The following ZNF516 variants were observed in gnomAD, a reference collection of about 807,000 sequenced individuals.
ZNF516 encodes zinc finger protein 516.
In ZNF516, 19 loss-of-function variants were observed where a neutral mutation model predicts 79.7. The ratio of observed to expected loss-of-function variants is 0.24; its 90% CI spans 0.17 to 0.35. The LOEUF is 0.35. Among genes scored for constraint, ZNF516 ranks in the 10% least tolerant of loss-of-function variants. ZNF516 has a pLI of 1.00. For missense variants in ZNF516, 1,678 were observed against 1,679.5 expected (o/e 1.00, Z 0.02); for synonymous variants, 877 against 739.5 (o/e 1.19, Z -3.02).
intron 2 of ZNF516, among the ~76,000 whole-genome samples, chr18:76,450,993 T>C (rs879594193): frequency 1.3e-5 from 2 of 152,054 alleles, no homozygotes; most frequent in Non-Finnish European, 2.9e-5. Context: ...GTATTTAGAG[T>C]CATTTCCTCA....
At chr18:76,426,842 G>C (rs984449952) in intron 3 of ZNF516, among the ~76,000 whole-genome samples, 1 of 152,218 alleles carries the variant, frequency 6.6e-6, no homozygotes, top group African/African-American at 2.4e-5. Flanking sequence ...CAATCCTCCA[G>C]GGCCTCAGTG....
intron 6 of ZNF516, among the ~76,000 whole-genome samples, chr18:76,368,404 G>C (rs2144914278): frequency 6.6e-6 from 1 of 151,886 alleles, no homozygotes; most frequent in East Asian, 1.9e-4. Flanking sequence ...TACCATCAGA[G>C]GCCATGAGCT....
chr18:76,401,834 T>TCCACCACCAACCACACCCCCGCGCCGCAC (rs2075230777), intron 3 of ZNF516, among the ~76,000 whole-genome samples: 2 of 15,794 alleles, frequency 1.3e-4, no homozygotes, highest in African/African-American at 7.1e-4. Context: ...CCGCGCTCCA[T>TCCACCACCAACCACACCCCCGCGCCGCAC]CTCTCCACCA....
At chr18:76,489,334 T>G (rs1599169367) in intron 1 of ZNF516, among the ~76,000 whole-genome samples, 1 of 152,200 alleles carries the variant, frequency 6.6e-6, no homozygotes, top group Admixed American at 6.5e-5. Context: ...AAACCATCTG[T>G]TGGAGTATAC....
intron 3 of ZNF516, among the ~76,000 whole-genome samples, chr18:76,425,224 G>A (rs2075578322): frequency 6.6e-6 from 1 of 152,176 alleles, no homozygotes; most frequent in Non-Finnish European, 1.5e-5. Context: ...GGAGGCATGG[G>A]AAGAGCCCAC....
At chr18:76,395,543 T>A (rs2075133263) in intron 3 of ZNF516, among the ~76,000 whole-genome samples, 1 of 152,058 alleles carries the variant, frequency 6.6e-6, no homozygotes, top group Non-Finnish European at 1.5e-5. Context: ...AACAGTAACG[T>A]TAAGCACAGG....
intron 5 of ZNF516, 68 bp downstream of exon 5, chr18:76,371,399 A>C (rs689756): frequency 0.018 from 26,046 of 1,453,994 alleles, 474 homozygotes; most frequent in African/African-American, 0.084. Flanking sequence ...GCGGATGGTC[A>C]AGCCACTGAC....
intron 3 of ZNF516, among the ~76,000 whole-genome samples, chr18:76,436,014 C>T (rs919424870): frequency 6.6e-6 from 1 of 152,240 alleles, no homozygotes; most frequent in African/African-American, 2.4e-5. Context: ...CAGCCTGTCA[C>T]CCCTGCACTT....
chr18:76,377,426 G>A (rs2074806099), intron 4 of ZNF516, among the ~76,000 whole-genome samples: 2 of 152,288 alleles, frequency 1.3e-5, no homozygotes, highest in Non-Finnish European at 2.9e-5. Context: ...GGCCTGTGAT[G>A]TCTCCTACTG....
intron 3 of ZNF516, among the ~76,000 whole-genome samples, chr18:76,423,931 TGCAGGTGAAAAGGCTCCCCC>T (rs2075550433): frequency 3.3e-5 from 1 of 30,486 alleles, no homozygotes; most frequent in African/African-American, 1.1e-4. Context: ...GAAACACACA[TGCAGGTGAAAAGGCTCCCCC>T]GAAACACACG....
chr18:76,486,906 A>C (rs1444954864), intron 1 of ZNF516, among the ~76,000 whole-genome samples: 1 of 152,170 alleles, frequency 6.6e-6, no homozygotes, highest in Non-Finnish European at 1.5e-5. Context: ...ATACGAAGTA[A>C]ATCTACCAGA....
intron 1 of ZNF516, among the ~76,000 whole-genome samples, chr18:76,471,468 G>A (rs963969749): frequency 2.6e-5 from 4 of 152,134 alleles, no homozygotes; most frequent in East Asian, 1.9e-4. Flanking sequence ...TTTGGCCCTC[G>A]TTTTTCCCAT....
intron 1 of ZNF516, among the ~76,000 whole-genome samples, chr18:76,485,819 A>C: frequency 6.6e-6 from 1 of 151,624 alleles, no homozygotes; most frequent in Admixed American, 6.6e-5. Context: ...ACAGAAGCTC[A>C]GGGGAACTAT....
At chr18:76,414,389 T>C (rs968312116) in intron 3 of ZNF516, among the ~76,000 whole-genome samples, 2 of 152,218 alleles carry the variant, frequency 1.3e-5, no homozygotes, top group Non-Finnish European at 2.9e-5. Context: ...TTTTCATCCC[T>C]AAAATGTAAT....
At chr18:76,367,312 C>G (rs1012271756) in intron 6 of ZNF516, among the ~76,000 whole-genome samples, 6 of 152,210 alleles carry the variant, frequency 3.9e-5, no homozygotes, top group Non-Finnish European at 7.3e-5. Flanking sequence ...TCAAGCTAAG[C>G]GCCTCCAAAG....
At chr18:76,428,818 C>T (rs376235574) in intron 3 of ZNF516, among the ~76,000 whole-genome samples, 1 of 152,236 alleles carries the variant, frequency 6.6e-6, no homozygotes, top group East Asian at 1.9e-4. Context: ...TCCTCACCAT[C>T]GGGATTTCTT....
At chr18:76,411,620 A>C (rs769368017) in intron 3 of ZNF516, among the ~76,000 whole-genome samples, 9 of 152,220 alleles carry the variant, frequency 5.9e-5, no homozygotes, top group Non-Finnish European at 1.5e-5. Flanking sequence ...TGTGTTGAAA[A>C]CACCACAAAA....
intron 3 of ZNF516, among the ~76,000 whole-genome samples, chr18:76,385,265 G>A (rs1050116294): frequency 6.6e-6 from 1 of 152,206 alleles, no homozygotes; most frequent in Non-Finnish European, 1.5e-5. Context: ...TGACTTCACT[G>A]CGTCCCAAGC....
At chr18:76,495,939 C>T (rs961484545), upstream of ZNF516, among the ~76,000 whole-genome samples, 1 of 152,174 alleles carries the variant, frequency 6.6e-6, no homozygotes, top group Non-Finnish European at 1.5e-5. Flanking sequence ...GCGGCTCTGC[C>T]ACCCGGCCAT....
Sources: allele counts gnomAD v4.1 joint callset (sites outside exome capture counted in the v4.1 genomes callset), GRCh38; gene constraint gnomAD v4.1.1; transcripts MANE v1.5; gene names NCBI Gene and HGNC (gene_info 2026-07-23, HGNC 2026-07-21).